STX7: variants seen among roughly 807,000 people sequenced by gnomAD.
The protein encoded by STX7 is syntaxin 7.
STX7 carries 34 observed loss-of-function variants against 39.6 expected under a neutral mutation model. The observed-to-expected ratio is 0.86, with a 90% confidence interval of 0.65 to 1.14. The LOEUF (loss-of-function observed/expected upper bound fraction) is 1.14, where lower values mean the gene tolerates loss of function less well. Among genes scored for constraint, STX7 ranks in the 50% most tolerant of loss-of-function variants. STX7 has a pLI of 0.00. For synonymous variants in STX7, 119 were observed against 99.1 expected, an observed-to-expected ratio of 1.20 and a Z score of -1.19; for missense variants, 284 against 310.4, an observed-to-expected ratio of 0.92 and a Z score of 0.64.
At position 132,455,173 on chromosome 6, in the gene STX7, G is replaced by T. The variant is rs957550131; in HGVS notation, c.*5585C>A. On this transcript the variant is annotated 3_prime_UTR_variant, in exon 10 of 10. Coordinates refer to ENST00000367941, the MANE Select transcript of STX7 (RefSeq NM_003569.3). ...CAAGTTATTAAAAAAGCAAAAGCTT[G>T]CATCTTACTTGGATTAAAAACCTAA... 6.6e-5 allele frequency: 10 copies of T among 152,140 alleles called. No individual in the cohort carries two copies. The highest frequency in any genetic ancestry group is 2.4e-4 in the African/African-American group (10 of 41,428). 9.4% of individuals were successfully genotyped at this position (152,140 alleles called of 1,614,324 possible). A position where few individuals can be genotyped will look rare whatever the true frequency, so the allele number is the denominator to read the frequency against.
intron 2 of STX7, among the ~76,000 whole-genome samples, chr6:132,477,128 T>C (rs751581518): frequency 3.9e-5 from 6 of 152,168 alleles, no homozygotes; most frequent in Admixed American, 6.5e-5. Context: ...TCAAAGCATA[T>C]AGCAACTCTT....
Position 132,447,322 on chromosome 6 carries a change from AAT to A in STX7, c.*13434_*13435del, listed in dbSNP as rs1271585853. On this transcript the variant is annotated 3_prime_UTR_variant, in exon 10 of 10. Coordinates refer to ENST00000367941, the MANE Select transcript of STX7 (RefSeq NM_003569.3). ...AGTTGACTTTATGTAGATTATGGTTAATATCTTTTGCAGATTTTCTAAGAAAT... is the reference window on the plus strand; with the variant it reads ...AGTTGACTTTATGTAGATTATGGTTAATCTTTTGCAGATTTTCTAAGAAAT... 1 of 152,186 alleles carries A rather than the reference AAT, an allele frequency of 6.6e-6. No individual in the cohort carries two copies. The highest frequency in any genetic ancestry group is 1.9e-4 in the East Asian group (1 of 5,202). The allele number at this position is 152,186 out of a possible 1,614,324, so 9.4% of individuals were successfully genotyped here. A position where few individuals can be genotyped will look rare whatever the true frequency, so the allele number is the denominator to read the frequency against.
At chr6:132,497,549 T>A (rs1250598038) in intron 2 of STX7, among the ~76,000 whole-genome samples, 1 of 152,190 alleles carries the variant, frequency 6.6e-6, no homozygotes, top group African/African-American at 2.4e-5. Flanking sequence ...TATACTTCCA[T>A]TTTTAAAAAG....
At position 132,460,658 on chromosome 6, in the gene STX7, T is replaced by C; in HGVS notation, c.*100A>G. The C allele has an allele frequency of 7.3e-6, 7 of 963,030 alleles. No homozygotes were observed. Among genetic ancestry groups the C allele is most frequent in the Non-Finnish European group, 1.1e-5 (7 of 658,640 alleles). The allele number at this position is 963,030 out of a possible 1,614,324, so 59.7% of individuals were successfully genotyped here. On this transcript the variant is annotated 3_prime_UTR_variant, in exon 10 of 10. Transcript: ENST00000367941. The stretch of plus-strand genomic sequence containing the variant: ...AATAACAAAGTATGGGAACCATCCT[T>C]TATACAATAGCTTTAAAATAATAAT...
At chr6:132,497,750 T>C (rs1325330506) in intron 2 of STX7, among the ~76,000 whole-genome samples, 2 of 152,198 alleles carry the variant, frequency 1.3e-5, no homozygotes, top group African/African-American at 4.8e-5. Flanking sequence ...CTTATACTTA[T>C]AAACCCACAA....
In STX7 at chr6:132,446,273, C is replaced by T. The variant is rs1196345763; in HGVS notation, c.*14485G>A. ...GAGTTGGTCTGATCATTCATCTTCT[C>T]GAGGCCAAGTACTTGGTCTGAACAC... is the stretch of plus-strand genomic sequence containing the variant. On this transcript the variant is annotated 3_prime_UTR_variant, in exon 10 of 10. Coordinates refer to ENST00000367941, the MANE Select transcript of STX7 (RefSeq NM_003569.3). 3 of 152,152 alleles carry T rather than the reference C, an allele frequency of 2.0e-5. No individual in the cohort carries two copies. Among genetic ancestry groups the T allele is most frequent in the Non-Finnish European group, 4.4e-5 (3 of 68,024 alleles). The allele number at this position is 152,152 out of a possible 1,614,324, so 9.4% of individuals were successfully genotyped here.
At chr6:132,477,267 T>G (rs1303419672) in intron 2 of STX7, among the ~76,000 whole-genome samples, 1 of 152,148 alleles carries the variant, frequency 6.6e-6, no homozygotes, top group Non-Finnish European at 1.5e-5. Context: ...ATATTCCCTC[T>G]CAACCTCAAC....
rs1232841046 is a variant in STX7 at position 132,475,592 on chromosome 6, C to G, written c.155+1G>C. 6.3e-7 allele frequency: 1 copy of G among 1,597,098 alleles called. No homozygotes were observed. The highest frequency in any genetic ancestry group is 8.5e-7 in the Non-Finnish European group (1 of 1,171,054). ...TTTTATTTATTTAACTAGATACTTA[C>G]AACTGTTGCCTCAATTCAGGTGAAT... On this transcript the variant is annotated splice_donor_variant, in intron 3 of 9. Coordinates refer to ENST00000367941, the MANE Select transcript of STX7 (RefSeq NM_003569.3). LOFTEE classifies it high-confidence loss of function.
intron 2 of STX7, among the ~76,000 whole-genome samples, chr6:132,488,454 T>C (rs897620204): frequency 6.6e-6 from 1 of 152,218 alleles, no homozygotes; most frequent in African/African-American, 2.4e-5. Context: ...ACTTGTTTTA[T>C]CAATTATTCA....
At chr6:132,479,967 T>C (rs969535342) in intron 2 of STX7, among the ~76,000 whole-genome samples, 26 of 152,214 alleles carry the variant, frequency 1.7e-4, no homozygotes, top group African/African-American at 6.3e-4. Flanking sequence ...CCCAACTAGC[T>C]GCTCCTTCCA....
At chr6:132,484,899 G>A (rs75206871) in intron 2 of STX7, among the ~76,000 whole-genome samples, 3,553 of 152,208 alleles carry the variant, frequency 0.023, 125 homozygotes, top group African/African-American at 0.08. Flanking sequence ...AACTTTAACC[G>A]AGAACAATAT....
rs1774173713 is a variant in STX7, at chr6:132,453,342, G to A, written c.*7416C>T. The A allele has an allele frequency of 6.6e-6, 1 of 151,998 alleles. No homozygotes were observed. Among genetic ancestry groups the A allele is most frequent in the Non-Finnish European group, 1.5e-5 (1 of 67,950 alleles). 9.4% of individuals were successfully genotyped at this position (151,998 alleles called of 1,614,324 possible). A position where few individuals can be genotyped will look rare whatever the true frequency, so the allele number is the denominator to read the frequency against. On this transcript the variant is annotated 3_prime_UTR_variant, in exon 10 of 10. Coordinates refer to ENST00000367941, the MANE Select transcript of STX7 (RefSeq NM_003569.3). The stretch of plus-strand genomic sequence containing the variant: ...AGAAAATTTGGGGGATCTAAGGAGA[G>A]AGGCAAAGTTCTTGATACCAGAAGC...
At chr6:132,499,541 A>G (rs1040643025) in intron 2 of STX7, among the ~76,000 whole-genome samples, 4 of 152,170 alleles carry the variant, frequency 2.6e-5, no homozygotes, top group African/African-American at 9.7e-5. Flanking sequence ...ATCTGCTTTT[A>G]TCTTAGTCTC....
rs182344170 is a variant in STX7, at chr6:132,499,610, A to C, written c.85+3836T>G. On this transcript the variant is annotated intron_variant, in intron 2 of 9. Transcript: ENST00000367941. Reference sequence around the variant, plus strand: ...ATTCTTGAAACATTCTTTAATTTCTAGAAATCTACCACATCTTGATTTTTA... The same window carrying C: ...ATTCTTGAAACATTCTTTAATTTCTCGAAATCTACCACATCTTGATTTTTA... Among the ~76,000 whole-genome samples the C allele has an allele frequency of 4.6e-5, 7 of 152,334 alleles. No individual in the cohort carries two copies. In the East Asian group the frequency reaches 1.3e-3, roughly 29 times the overall value.
chr6:132,468,552 C>A, intron 7 of STX7, 77 bp from the exon 8 acceptor site: 1 of 1,002,262 alleles, frequency 1.0e-6, no homozygotes, highest in Admixed American at 2.4e-5. Flanking sequence ...TTTAAAAACC[C>A]AAACCACTAC....
intron 8 of STX7, among the ~76,000 whole-genome samples, chr6:132,465,582 T>G (rs1774545852): frequency 6.6e-6 from 1 of 152,236 alleles, no homozygotes; most frequent in Admixed American, 6.5e-5. Context: ...CAAGCAGGTC[T>G]ACTTCATTTC....
chr6:132,503,926 C>T (rs72998892), intron 1 of STX7, among the ~76,000 whole-genome samples: 4,433 of 152,216 alleles, frequency 0.029, 99 homozygotes, highest in Non-Finnish European at 0.046. Context: ...AACTAAACTC[C>T]AAACAATTAT....
At chr6:132,480,532 A>C (rs1774990339) in intron 2 of STX7, among the ~76,000 whole-genome samples, 1 of 152,212 alleles carries the variant, frequency 6.6e-6, no homozygotes. Flanking sequence ...CGTTTTCAAG[A>C]CTACAACTGG....
In STX7 at chr6:132,453,168, C is replaced by G. The variant is rs1424638154; in HGVS notation, c.*7590G>C. ...AAAAAAGAGCCTTTTCGACAAATAT[C>G]ATGTTGGAGTAATTGAATATCCATA... On this transcript the variant is annotated 3_prime_UTR_variant, in exon 10 of 10. Transcript: ENST00000367941. 6.6e-6 allele frequency: 1 copy of G among 152,048 alleles called. No individual in the cohort carries two copies. The highest frequency in any genetic ancestry group is 1.5e-5 in the Non-Finnish European group (1 of 67,956). 9.4% of individuals were successfully genotyped at this position (152,048 alleles called of 1,614,324 possible).
Sources: gnomAD v4.1 joint callset for allele counts (sites outside exome capture counted in the v4.1 genomes callset) on GRCh38, gnomAD v4.1.1 for gene constraint, MANE v1.5 for transcripts, NCBI Gene and HGNC (gene_info 2026-07-23, HGNC 2026-07-21) for gene names.